Variants in CSMD1 observed in about 807,000 individuals in gnomAD.
CSMD1 encodes the protein CUB and Sushi multiple domains 1, also known as CUB and sushi domain-containing protein 1.
Under a neutral mutation model 417.5 loss-of-function variants are expected in CSMD1, and 213 were observed. The ratio of observed to expected loss-of-function variants is 0.51; its 90% CI spans 0.46 to 0.57. The LOEUF is 0.57. Ranked by LOEUF, CSMD1 falls within the 20% of genes least tolerant of loss-of-function variation. CSMD1 has a pLI of 0.00. For synonymous variants in CSMD1, 2,862 were observed against 1,736.8 expected, an observed-to-expected ratio of 1.65 and a Z score of -16.11; for missense variants, 6,923 against 4,529.7, an observed-to-expected ratio of 1.53 and a Z score of -15.17.
intron 38 of CSMD1, 23 bp from the exon 39 acceptor site, chr8:3,157,989 A>C (rs1200682214): frequency 6.6e-7 from 1 of 1,523,642 alleles, no homozygotes; most frequent in East Asian, 2.5e-5. Flanking sequence ...AAACAAAAGA[A>C]AATACATATA....
chr8:4,646,458 G>C (rs553073152), intron 1 of CSMD1, among the ~76,000 whole-genome samples: 1 of 152,218 alleles, frequency 6.6e-6, no homozygotes, highest in African/African-American at 2.4e-5. Context: ...TCCCTAAGTA[G>C]TGCATTTAAA....
At chr8:3,834,898 G>A (rs886776192) in intron 5 of CSMD1, among the ~76,000 whole-genome samples, 2 of 151,972 alleles carry the variant, frequency 1.3e-5, no homozygotes, top group Admixed American at 6.6e-5. Context: ...CCATCAAAAA[G>A]TGGGTGAAGG....
At chr8:3,741,376 G>C (rs907142911) in intron 6 of CSMD1, among the ~76,000 whole-genome samples, 4 of 152,150 alleles carry the variant, frequency 2.6e-5, no homozygotes, top group Non-Finnish European at 5.9e-5. Context: ...GAAGGGGAAT[G>C]TATCACAGGA....
intron 7 of CSMD1, among the ~76,000 whole-genome samples, chr8:3,703,942 A>G (rs1265653793): frequency 1.3e-5 from 2 of 151,986 alleles, no homozygotes; most frequent in African/African-American, 2.4e-5. Context: ...ATGGTGGCAC[A>G]CACCTGTACT....
At chr8:4,936,477 TA>T (rs894946555) in intron 1 of CSMD1, among the ~76,000 whole-genome samples, 9 of 152,212 alleles carry the variant, frequency 5.9e-5, no homozygotes, top group African/African-American at 1.9e-4. Context: ...TTCAAGGCTT[TA>T]AAACTTTGCC....
At position 4,303,462 on chromosome 8, in the gene CSMD1, C is replaced by G. The variant is rs1467273250; in HGVS notation, c.415+116491G>C. 8.4e-4 allele frequency among the ~76,000 whole-genome samples: 73 copies of G among 87,306 alleles called. 1 individual carries two copies. The highest frequency in any genetic ancestry group is 2.8e-4 in the Non-Finnish European group (13 of 46,928). The allele number at this position is 87,306 out of a possible 152,430, so 57.3% of individuals were successfully genotyped here. A position where few individuals can be genotyped will look rare whatever the true frequency, so the allele number is the denominator to read the frequency against. On this transcript the variant is annotated intron_variant, in intron 3 of 69. Transcript: ENST00000635120. ...TTTTTTTTTTTTTTTTTTTTGAGTT[C>G]TCTGTGCTGAGCTCATGTTGATTTT...
At chr8:2,967,593 A>G (rs749055279) in intron 57 of CSMD1, among the ~76,000 whole-genome samples, 2 of 151,976 alleles carry the variant, frequency 1.3e-5, no homozygotes, top group African/African-American at 2.4e-5. Flanking sequence ...TTTTCTCCTT[A>G]GTACTGTTGC....
At chr8:3,608,543 C>A (rs1156971784) in intron 8 of CSMD1, among the ~76,000 whole-genome samples, 1 of 152,012 alleles carries the variant, frequency 6.6e-6, no homozygotes. Context: ...GTGGGTGGAT[C>A]ACGAGGTCAG....
rs999300714 is a variant in CSMD1 at position 3,237,134 on chromosome 8, A to G, written c.4154-6903T>C. Among the ~76,000 whole-genome samples, 2 of 151,860 alleles carry G rather than the reference A, an allele frequency of 1.3e-5. 1 individual carries two copies. The highest frequency in any genetic ancestry group is 6.8e-3 in the Middle Eastern group (2 of 294). The stretch of plus-strand genomic sequence containing the variant: ...AGAACTGGACGCTGCAATAACGCCA[A>G]TCTTTTTGCAACTAGATAAGAGAGA... On this transcript the variant is annotated intron_variant, in intron 26 of 69. Transcript: ENST00000635120.
intron 6 of CSMD1, among the ~76,000 whole-genome samples, chr8:3,726,337 C>T (rs907731014): frequency 3.3e-5 from 5 of 152,094 alleles, no homozygotes; most frequent in South Asian, 2.1e-4. Context: ...ATAATAATTC[C>T]GGTAATTTAT....
At chr8:4,421,172 C>T (rs551087995) in intron 2 of CSMD1, among the ~76,000 whole-genome samples, 1 of 152,130 alleles carries the variant, frequency 6.6e-6, no homozygotes, top group African/African-American at 2.4e-5. Flanking sequence ...GAAGACACTG[C>T]TTTGTACTTT....
chr8:4,095,578 G>C (rs369885415), intron 3 of CSMD1, among the ~76,000 whole-genome samples: 1 of 152,166 alleles, frequency 6.6e-6, no homozygotes, highest in Non-Finnish European at 1.5e-5. Flanking sequence ...ATTTGGGAGA[G>C]TCAAAGAAAA....
chr8:3,617,561 G>C (rs1051636654), intron 7 of CSMD1, among the ~76,000 whole-genome samples: 1 of 152,070 alleles, frequency 6.6e-6, no homozygotes, highest in Non-Finnish European at 1.5e-5. Context: ...GAGTACTTCT[G>C]GGAAACATTA....
rs569724133 is a variant in CSMD1, at chr8:3,845,707, TAA to T, written c.819-91667_819-91666del. ...GCTTACTGTAACATTTTGTATTTTATAAAGTTTTTGATTTTTCATCTTTTTTA... is the reference window on the plus strand; with the variant it reads ...GCTTACTGTAACATTTTGTATTTTATAGTTTTTGATTTTTCATCTTTTTTA... On this transcript the variant is annotated intron_variant, in intron 5 of 69. Coordinates refer to ENST00000635120, the MANE Select transcript of CSMD1 (RefSeq NM_033225.6). Among the ~76,000 whole-genome samples the T allele has an allele frequency of 4.8e-4, 73 of 152,336 alleles. No homozygotes were observed. In the South Asian group the frequency reaches 0.013, roughly 27 times the overall value.
intron 5 of CSMD1, among the ~76,000 whole-genome samples, chr8:3,880,296 G>C (rs1347986520): frequency 1.3e-5 from 2 of 152,102 alleles, no homozygotes; most frequent in Admixed American, 6.5e-5. Flanking sequence ...GCTGATATTA[G>C]ATTACATTTT....
chr8:3,923,311 T>C (rs1809409233), intron 5 of CSMD1, among the ~76,000 whole-genome samples: 3 of 152,200 alleles, frequency 2.0e-5, no homozygotes, highest in Admixed American at 2.0e-4. Flanking sequence ...TTGGGGAGTT[T>C]ATGTATGTAT....
At chr8:4,255,137 C>A (rs1162657787) in intron 3 of CSMD1, among the ~76,000 whole-genome samples, 2 of 152,114 alleles carry the variant, frequency 1.3e-5, no homozygotes, top group Non-Finnish European at 2.9e-5. Context: ...CAGTTTTTAG[C>A]ATTAAAAGAG....
intron 3 of CSMD1, among the ~76,000 whole-genome samples, chr8:4,362,394 CAG>C (rs34811013): frequency 0.079 from 11,990 of 152,132 alleles, 698 homozygotes; most frequent in African/African-American, 0.16. Context: ...AGCCTGGGGA[CAG>C]AGTCTCAGGT....
chr8:4,529,061 T>G (rs1300760893), intron 2 of CSMD1, among the ~76,000 whole-genome samples: 3 of 152,130 alleles, frequency 2.0e-5, no homozygotes, highest in Non-Finnish European at 4.4e-5. Context: ...AAAATGATGA[T>G]CTGAAAAGTT....
Sources: allele counts gnomAD v4.1 joint callset (sites outside exome capture counted in the v4.1 genomes callset), GRCh38; gene constraint gnomAD v4.1.1; transcripts MANE v1.5; gene names NCBI Gene and HGNC (gene_info 2026-07-23, HGNC 2026-07-21).